Variants in CPSF6 observed in about 807,000 individuals in gnomAD.
CPSF6 encodes cleavage and polyadenylation specific factor 6.
In CPSF6, 10 loss-of-function variants were observed where a neutral mutation model predicts 56.7. The observed-to-expected ratio is 0.18, with a 90% CI of 0.11 to 0.30. The LOEUF is 0.30. CPSF6 is among the 10% of genes least tolerant of loss of function. The probability of loss-of-function intolerance (pLI) is 1.00; values close to 1 mark genes in which losing one functional copy is unlikely to be tolerated. For synonymous variants in CPSF6, 248 were observed against 244.8 expected (o/e 1.01, Z -0.12); for missense variants, 419 against 722.9 (o/e 0.58, Z 4.82).
At chr12:69,240,521 A>G (rs1338647288) in intron 1 of CPSF6, among the ~76,000 whole-genome samples, 5 of 152,198 alleles carry the variant, frequency 3.3e-5, no homozygotes, top group Admixed American at 6.5e-5. Context: ...ACCAAAAGGA[A>G]GAATTGGAAG....
In CPSF6 at chr12:69,252,631, A is replaced by G. The variant is rs117191565; in HGVS notation, c.271-420A>G. On this transcript the variant is annotated intron_variant, in intron 2 of 9. Transcript: ENST00000435070. ...ATAAGAGTTAGTTGATACATAAAGTATATGGTAGATATTAAATACATGTTA... is the reference window on the plus strand; with the variant it reads ...ATAAGAGTTAGTTGATACATAAAGTGTATGGTAGATATTAAATACATGTTA... Among the ~76,000 whole-genome samples, 194 of 152,346 alleles carry G rather than the reference A, an allele frequency of 1.3e-3. 1 individual carries two copies. The East Asian group carries it at 0.033, about 26-fold the overall frequency.
intron 1 of CPSF6, among the ~76,000 whole-genome samples, chr12:69,246,293 A>G (rs1871901606): frequency 6.6e-6 from 1 of 152,232 alleles, no homozygotes; most frequent in African/African-American, 2.4e-5. Context: ...TTGGACAAAT[A>G]TCAGAGAAAC....
chr12:69,253,858 T>G (rs1048011210), intron 3 of CPSF6, among the ~76,000 whole-genome samples: 7 of 152,292 alleles, frequency 4.6e-5, no homozygotes, highest in Middle Eastern at 3.4e-3. Context: ...TTTTGCCTAT[T>G]GTAAATAATG....
chr12:69,258,477 G>A lies in CPSF6; in HGVS notation c.695-113G>A. The A allele has an allele frequency of 9.0e-7, 1 of 1,106,774 alleles. No homozygotes were observed. Among genetic ancestry groups the A allele is most frequent in the Non-Finnish European group, 1.3e-6 (1 of 797,964 alleles). 68.6% of individuals were successfully genotyped at this position (1,106,774 alleles called of 1,614,324 possible). A position where few individuals can be genotyped will look rare whatever the true frequency, so the allele number is the denominator to read the frequency against. ...ATTTACCATACGGGTTTAATTTAAAGACAAAGACTTGGTGTATGCTCTATG... is the reference window on the plus strand; with the variant it reads ...ATTTACCATACGGGTTTAATTTAAAAACAAAGACTTGGTGTATGCTCTATG... On this transcript the variant is annotated intron_variant, in intron 5 of 9. Transcript: ENST00000435070. This position sits in a 1 kb window ranked among gnomAD's most constrained non-coding sequence, Gnocchi z 4.2.
chr12:69,263,382 CTGTT>C (rs1872833588), intron 9 of CPSF6, among the ~76,000 whole-genome samples: 1 of 151,904 alleles, frequency 6.6e-6, no homozygotes, highest in Non-Finnish European at 1.5e-5. Context: ...GAAGAGTTGT[CTGTT>C]TATGCTTCAT....
chr12:69,245,596 G>C (rs1247124139), intron 1 of CPSF6, among the ~76,000 whole-genome samples: 1 of 152,148 alleles, frequency 6.6e-6, no homozygotes, highest in African/African-American at 2.4e-5. Context: ...TATGTTTTAT[G>C]TGTAAAGTTT....
rs3051105 is a variant in CPSF6, at chr12:69,272,869, A to AGTGTGTGTGTGTGT, written c.*3376_*3389dup. ...AAGCATTCTATTTTTCTGTTCTTAC[A>AGTGTGTGTGTGTGT]GTGTGTGTGTGTGTGTGTGTGTGTG... On this transcript the variant is annotated 3_prime_UTR_variant, in exon 10 of 10. Coordinates refer to ENST00000435070, the MANE Select transcript of CPSF6 (RefSeq NM_007007.3). The AGTGTGTGTGTGTGT allele has an allele frequency of 2.6e-5, 4 of 154,118 alleles. No individual in the cohort carries two copies. Among genetic ancestry groups the AGTGTGTGTGTGTGT allele is most frequent in the African/African-American group, 5.0e-5 (2 of 40,022 alleles). 9.5% of individuals were successfully genotyped at this position (154,118 alleles called of 1,614,324 possible).
chr12:69,242,615 AAGCTGAGAACAGCTGG>A (rs1397846332), intron 1 of CPSF6, among the ~76,000 whole-genome samples: 1 of 152,194 alleles, frequency 6.6e-6, no homozygotes, highest in Non-Finnish European at 1.5e-5. Context: ...GGATGTCACC[AAGCTGAGAACAGCTGG>A]AAGGGGAATT....
At chr12:69,240,143 C>T (rs1871532479) in intron 1 of CPSF6, among the ~76,000 whole-genome samples, 1 of 151,896 alleles carries the variant, frequency 6.6e-6, no homozygotes, top group Admixed American at 6.6e-5. Context: ...CCCGCCGCCG[C>T]CGCCCCTTCC....
chr12:69,250,234 A>G (rs1302487891), intron 1 of CPSF6, among the ~76,000 whole-genome samples: 1 of 152,070 alleles, frequency 6.6e-6, no homozygotes, highest in Non-Finnish European at 1.5e-5. Flanking sequence ...ATAGAAAATA[A>G]TAACTATTTT....
At chr12:69,240,134 C>CCGCCGCCGCCGCCCCTT (rs1201288088) in intron 1 of CPSF6, among the ~76,000 whole-genome samples, 26 of 151,238 alleles carry the variant, frequency 1.7e-4, no homozygotes, top group Non-Finnish European at 3.3e-4. Context: ...GGGCGCGTGC[C>CCGCCGCCGCCGCCCCTT]CGCCGCCGCC....
chr12:69,245,457 T>C (rs893715950), intron 1 of CPSF6, among the ~76,000 whole-genome samples: 1 of 152,186 alleles, frequency 6.6e-6, no homozygotes, highest in South Asian at 2.1e-4. Context: ...ACATAGTATA[T>C]TTAGGGTTCC....
In CPSF6 at chr12:69,258,494, T is replaced by C; in HGVS notation, c.695-96T>C. ...AATTTAAAGACAAAGACTTGGTGTA[T>C]GCTCTATGCGTTTAAAGTATAATCT... On this transcript the variant is annotated intron_variant, in intron 5 of 9. Transcript: ENST00000435070. The surrounding 1 kb of genome is among the most constrained non-coding windows in gnomAD (Gnocchi z 4.2). The C allele has an allele frequency of 8.0e-7, 1 of 1,249,894 alleles. No homozygotes were observed. 77.4% of individuals were successfully genotyped at this position (1,249,894 alleles called of 1,614,324 possible).
intron 8 of CPSF6, 54 bp from the exon 9 acceptor site, chr12:69,262,319 A>AT (rs1462353627): frequency 5.5e-6 from 8 of 1,448,320 alleles, no homozygotes; most frequent in Non-Finnish European, 6.4e-6. Flanking sequence ...AAAATTGAAT[A>AT]TTTTTAGGCT....
chr12:69,244,205 A>C (rs1231077877), intron 1 of CPSF6, among the ~76,000 whole-genome samples: 1 of 152,108 alleles, frequency 6.6e-6, no homozygotes, highest in Non-Finnish European at 1.5e-5. Flanking sequence ...TATTTTCTTT[A>C]TATCCTTATA....
Position 69,272,631 on chromosome 12 carries a change from G to C in CPSF6, c.*3123G>C, listed in dbSNP as rs1296501654. The C allele has an allele frequency of 6.6e-6, 1 of 151,754 alleles. No homozygotes were observed. Among genetic ancestry groups the C allele is most frequent in the South Asian group, 2.1e-4 (1 of 4,832 alleles). The allele number at this position is 151,754 out of a possible 1,614,324, so 9.4% of individuals were successfully genotyped here. A position where few individuals can be genotyped will look rare whatever the true frequency, so the allele number is the denominator to read the frequency against. ...TTTTGTGTTTTAAGCTTCAGCTTAA[G>C]AGGAAGTTTATGTTCTAATTCTTGA... On this transcript the variant is annotated 3_prime_UTR_variant, in exon 10 of 10. Transcript: ENST00000435070.
intron 1 of CPSF6, 95 bp from the exon 2 acceptor site, chr12:69,251,034 C>CA: frequency 8.1e-7 from 1 of 1,231,010 alleles, no homozygotes; most frequent in South Asian, 1.5e-5. Flanking sequence ...CTTTTTCCAT[C>CA]AGATTTTTAA....
chr12:69,265,378 CTT>C (rs1872924612), intron 9 of CPSF6, among the ~76,000 whole-genome samples: 1 of 152,136 alleles, frequency 6.6e-6, no homozygotes, highest in African/African-American at 2.4e-5. Flanking sequence ...TTACGTTCCT[CTT>C]GTCACTTCTT....
Position 69,273,306 on chromosome 12 carries a change from C to T in CPSF6, c.*3798C>T, listed in dbSNP as rs559573027. On this transcript the variant is annotated 3_prime_UTR_variant, in exon 10 of 10. Transcript: ENST00000435070. ...TTAGAATTTCAGGTTGTGGCATTCA[C>T]TGAGTATGCAGCTACTATGGTTTTT... 23 of 329,806 alleles carry T rather than the reference C, an allele frequency of 7.0e-5. No homozygotes were observed. The East Asian group carries it at 1.5e-3, about 21-fold the overall frequency. 20.4% of individuals were successfully genotyped at this position (329,806 alleles called of 1,614,324 possible).
Sources: gnomAD v4.1 joint callset for allele counts (sites outside exome capture counted in the v4.1 genomes callset) on GRCh38, gnomAD v4.1.1 for gene constraint, Gnocchi (gnomAD v3.1) non-coding constraint, MANE v1.5 for transcripts, NCBI Gene and HGNC (gene_info 2026-07-23, HGNC 2026-07-21) for gene names.